CHTF8: variants seen among roughly 807,000 people sequenced by gnomAD.
CHTF8 encodes the protein chromosome transmission fidelity factor 8, also known as chromosome transmission fidelity protein 8 homolog.
A neutral mutation model predicts 11.0 loss-of-function variants in CHTF8; 6 were observed. That is an observed-to-expected ratio of 0.55 (90% CI 0.30 to 1.08). The LOEUF is 1.08. Ranked by LOEUF, CHTF8 falls within the 50% of genes least tolerant of loss-of-function variation. CHTF8 has a pLI of 0.07. For synonymous variants in CHTF8, 53 were observed against 60.5 expected, an observed-to-expected ratio of 0.88 and a Z score of 0.57; for missense variants, 140 against 153.1, an observed-to-expected ratio of 0.91 and a Z score of 0.45.
At chr16:69,122,134 C>T (rs1226728759) in intron 1 of CHTF8, among the ~76,000 whole-genome samples, 1 of 152,132 alleles carries the variant, frequency 6.6e-6, no homozygotes, top group South Asian at 2.1e-4. Flanking sequence ...TTTCTAAGTC[C>T]TTTAGACACA....
Position 69,120,454 on chromosome 16 carries a change from T to C in CHTF8, c.337A>G (p.Ile113Val). ...KILFKTRPKP[I>V]ITSVPKKV ...ACTTTCTTGGGGACGCTGGTGATAA[T>C]GGGCTTGGGGCGGGTTTTGAAAAGG... Residue 113 changes from isoleucine to valine, a missense_variant, in exon 4 of 4, where the codon ATT becomes GTT. Coordinates refer to ENST00000448552, the MANE Select transcript of CHTF8 (RefSeq NM_001039690.5). This position sits in a 1 kb window ranked among gnomAD's most constrained non-coding sequence, Gnocchi z 4.0. The C allele has an allele frequency of 1.2e-6, 2 of 1,614,122 alleles. No individual in the cohort carries two copies. Among genetic ancestry groups the C allele is most frequent in the Non-Finnish European group, 1.7e-6 (2 of 1,180,008 alleles).
At position 69,120,493 on chromosome 16, in the gene CHTF8, T is replaced by TCA. The variant is rs1961565732; in HGVS notation, c.297_298insTG (p.Ile100Ter). ...GTTTTGAAAAGGATCTTGTCTTTGA[T>TCA]GAGTGCTGTCACCAGGTACCGGGTG... is the stretch of plus-strand genomic sequence containing the variant. On this transcript the variant is annotated frameshift_variant, in exon 4 of 4. Transcript: ENST00000448552. LOFTEE classifies it high-confidence loss of function. This position sits in a 1 kb window ranked among gnomAD's most constrained non-coding sequence, Gnocchi z 4.0. 7.4e-6 allele frequency: 12 copies of TCA among 1,614,042 alleles called. No individual in the cohort carries two copies. The East Asian group carries it at 2.7e-4, about 36-fold the overall frequency.
In CHTF8 at chr16:69,118,050, T is replaced by TA. The variant is rs1567584585; in HGVS notation, c.*2374dup. 1 of 441,774 alleles carries TA rather than the reference T, an allele frequency of 2.3e-6. No individual in the cohort carries two copies. The highest frequency in any genetic ancestry group is 2.0e-5 in the African/African-American group (1 of 50,864). 27.4% of individuals were successfully genotyped at this position (441,774 alleles called of 1,614,324 possible). On this transcript the variant is annotated 3_prime_UTR_variant, in exon 4 of 4. Coordinates refer to ENST00000448552, the MANE Select transcript of CHTF8 (RefSeq NM_001039690.5). Reference sequence around the variant, plus strand: ...TTATTAAAGAAACAGTAAGAAAAGATACAATGCAGGAAAACCACCAACCAT... The same window carrying TA: ...TTATTAAAGAAACAGTAAGAAAAGATAACAATGCAGGAAAACCACCAACCAT...
At chr16:69,122,254 A>C (rs1961727485) in intron 1 of CHTF8, among the ~76,000 whole-genome samples, 1 of 152,222 alleles carries the variant, frequency 6.6e-6, no homozygotes, top group African/African-American at 2.4e-5. Flanking sequence ...GTATGTGCAA[A>C]ACTAATTAAG....
intron 1 of CHTF8, among the ~76,000 whole-genome samples, chr16:69,128,210 G>A (rs1257306458): frequency 6.6e-6 from 1 of 152,236 alleles, no homozygotes. Flanking sequence ...ACAGCGCCCG[G>A]CTAACTATCT....
intron 1 of CHTF8, among the ~76,000 whole-genome samples, chr16:69,126,873 G>A (rs1228984646): frequency 1.3e-5 from 2 of 152,164 alleles, no homozygotes; most frequent in Non-Finnish European, 2.9e-5. Flanking sequence ...CAGTAGGTAG[G>A]GATTCCTGAG....
At chr16:69,129,483 T>C (rs1356126816) in intron 1 of CHTF8, among the ~76,000 whole-genome samples, 1 of 152,002 alleles carries the variant, frequency 6.6e-6, no homozygotes, top group African/African-American at 2.4e-5. Context: ...AGAACATTAT[T>C]TTTATAATAC....
chr16:69,131,004 TAC>T (rs977510330), intron 1 of CHTF8, among the ~76,000 whole-genome samples: 5 of 152,210 alleles, frequency 3.3e-5, no homozygotes, highest in African/African-American at 1.2e-4. Flanking sequence ...TACAACCGAA[TAC>T]AGATTATTTT....
Position 69,118,316 on chromosome 16 carries a change from C to A in CHTF8, c.*2109G>T. On this transcript the variant is annotated 3_prime_UTR_variant, in exon 4 of 4. Coordinates refer to ENST00000448552, the MANE Select transcript of CHTF8 (RefSeq NM_001039690.5). Reference sequence around the variant, plus strand: ...CAGAAACTGCATTCGGTGGGTCTTTCTTTGAAGTGGTTGTCCATCTCCCTG... The same window carrying A: ...CAGAAACTGCATTCGGTGGGTCTTTATTTGAAGTGGTTGTCCATCTCCCTG... The A allele has an allele frequency of 7.7e-7, 1 of 1,290,544 alleles. No individual in the cohort carries two copies. Among genetic ancestry groups the A allele is most frequent in the Non-Finnish European group, 1.1e-6 (1 of 884,950 alleles). 79.9% of individuals were successfully genotyped at this position (1,290,544 alleles called of 1,614,324 possible). A position where few individuals can be genotyped will look rare whatever the true frequency, so the allele number is the denominator to read the frequency against.
chr16:69,126,185 C>G (rs564094871), intron 1 of CHTF8, among the ~76,000 whole-genome samples: 5 of 152,124 alleles, frequency 3.3e-5, no homozygotes, highest in African/African-American at 1.2e-4. Flanking sequence ...CATAGGTACA[C>G]GGTATATTCT....
intron 1 of CHTF8, among the ~76,000 whole-genome samples, chr16:69,130,421 CTAT>C (rs1306992815): frequency 1.3e-5 from 2 of 151,954 alleles, no homozygotes; most frequent in African/African-American, 4.8e-5. Context: ...TCACAATTTT[CTAT>C]TTTTTGCTAG....
intron 1 of CHTF8, among the ~76,000 whole-genome samples, chr16:69,123,935 A>C (rs906014172): frequency 2.2e-5 from 3 of 137,922 alleles, no homozygotes; most frequent in African/African-American, 5.0e-5. Context: ...TAAAAAAAAA[A>C]AAAAAAAAAA....
Position 69,120,482 on chromosome 16 carries a change from CTT to C in CHTF8, c.307_308del (p.Lys103AspfsTer543). On this transcript the variant is annotated frameshift_variant, in exon 4 of 4. Coordinates refer to ENST00000448552, the MANE Select transcript of CHTF8 (RefSeq NM_001039690.5). LOFTEE classifies it high-confidence loss of function. This position sits in a 1 kb window ranked among gnomAD's most constrained non-coding sequence, Gnocchi z 4.0. ...GCTTGGGGCGGGTTTTGAAAAGGAT[CTT>C]GTCTTTGATGAGTGCTGTCACCAGG... is the stretch of plus-strand genomic sequence containing the variant. ...RYLVTALIKD[K>X]ILFKTRPKPI... 1.2e-6 allele frequency: 2 copies of C among 1,614,110 alleles called. No homozygotes were observed. The highest frequency in any genetic ancestry group is 1.7e-6 in the Non-Finnish European group (2 of 1,180,010).
intron 1 of CHTF8, among the ~76,000 whole-genome samples, chr16:69,123,483 C>G (rs781537479): frequency 2.6e-5 from 4 of 151,954 alleles, no homozygotes; most frequent in Non-Finnish European, 5.9e-5. Flanking sequence ...ACGGTGAAAC[C>G]CAGTCTCTAC....
intron 1 of CHTF8, among the ~76,000 whole-genome samples, chr16:69,122,956 G>A (rs1203523279): frequency 6.6e-6 from 1 of 152,152 alleles, no homozygotes; most frequent in East Asian, 1.9e-4. Context: ...TGGGATTACA[G>A]GCATTAGCCA....
intron 1 of CHTF8, among the ~76,000 whole-genome samples, chr16:69,128,799 C>T (rs1411414714): frequency 2.0e-5 from 3 of 152,168 alleles, no homozygotes; most frequent in Non-Finnish European, 4.4e-5. Flanking sequence ...GGCACGGTGG[C>T]TCACGTCTAT....
chr16:69,118,357 C>A lies in CHTF8; in HGVS notation c.*2068G>T. The stretch of plus-strand genomic sequence containing the variant: ...CATCTCCCTGTTCTGTGTTCAAGCC[C>A]CCAGGGAAAGGTATGGCAGTAGAGG... On this transcript the variant is annotated 3_prime_UTR_variant, in exon 4 of 4. Transcript: ENST00000448552. 6.3e-7 allele frequency: 1 copy of A among 1,594,850 alleles called. No individual in the cohort carries two copies. Among genetic ancestry groups the A allele is most frequent in the Non-Finnish European group, 8.6e-7 (1 of 1,162,584 alleles).
chr16:69,120,321 A>G lies in CHTF8; in HGVS notation c.*104T>C, dbSNP rs1215789690. ...CCAGTGGGTGGCCTGTGTTCAGAAC[A>G]GGACCCCCCTGTGGTCCCAGGGAAC... On this transcript the variant is annotated 3_prime_UTR_variant, in exon 4 of 4. Transcript: ENST00000448552. The surrounding 1 kb of genome is among the most constrained non-coding windows in gnomAD (Gnocchi z 4.0). The G allele has an allele frequency of 9.0e-7, 1 of 1,115,392 alleles. No individual in the cohort carries two copies. The highest frequency in any genetic ancestry group is 1.3e-5 in the South Asian group (1 of 79,074). The allele number at this position is 1,115,392 out of a possible 1,614,324, so 69.1% of individuals were successfully genotyped here. A position where few individuals can be genotyped will look rare whatever the true frequency, so the allele number is the denominator to read the frequency against.
In CHTF8 at chr16:69,120,130, C is replaced by T. The variant is rs1330428822; in HGVS notation, c.*295G>A. ...ACCTGTGCCAGTGGGATTCATCCCT[C>T]TTGGAAAAGAAGCCATACTTGGGTC... On this transcript the variant is annotated 3_prime_UTR_variant, in exon 4 of 4. Transcript: ENST00000448552. This position sits in a 1 kb window ranked among gnomAD's most constrained non-coding sequence, Gnocchi z 4.0. 1 of 701,284 alleles carries T rather than the reference C, an allele frequency of 1.4e-6. No individual in the cohort carries two copies. 43.4% of individuals were successfully genotyped at this position (701,284 alleles called of 1,614,324 possible).
Sources: allele counts gnomAD v4.1 joint callset (sites outside exome capture counted in the v4.1 genomes callset), GRCh38; gene constraint gnomAD v4.1.1; non-coding constraint Gnocchi (gnomAD v3.1); transcripts MANE v1.5; gene names NCBI Gene and HGNC (gene_info 2026-07-23, HGNC 2026-07-21).